ERBB3: variants seen among roughly 807,000 people sequenced by gnomAD.
ERBB3 encodes erb-b2 receptor tyrosine kinase 3.
ERBB3 carries 96 observed loss-of-function variants against 156.7 expected under a neutral mutation model. The observed-to-expected ratio is 0.61, with a 90% CI of 0.52 to 0.73. The LOEUF is 0.73. Among genes scored for constraint, ERBB3 ranks in the 30% least tolerant of loss-of-function variants. The pLI is 0.00. For missense variants in ERBB3, 1,406 were observed against 1,709.4 expected (o/e 0.82, Z 3.13); for synonymous variants, 567 against 632.0 (o/e 0.90, Z 1.54).
chr12:56,091,681 T>G (rs1868717499), intron 9 of ERBB3, among the ~76,000 whole-genome samples: 1 of 152,032 alleles, frequency 6.6e-6, no homozygotes, highest in Admixed American at 6.6e-5. Context: ...CAGGGCATCC[T>G]ATTGAGGATG....
intron 9 of ERBB3, 115 bp from the exon 10 acceptor site, chr12:56,092,632 A>G: frequency 1.3e-6 from 1 of 794,382 alleles, no homozygotes; most frequent in Non-Finnish European, 2.3e-6. Flanking sequence ...TTCTCCAAGG[A>G]ATGTTTCCTT....
At position 56,080,207 on chromosome 12, in the gene ERBB3, T is replaced by G. The variant is rs981155563; in HGVS notation, c.-94T>G. On this transcript the variant is annotated 5_prime_UTR_variant, in exon 1 of 28. Transcript: ENST00000267101. ...CTGCCGTCGCCGCAGCAGCCACCAA[T>G]TCGCCAGCGGTTCAGGTGGCTCTTG... The G allele has an allele frequency of 8.0e-6, 8 of 1,004,340 alleles. No homozygotes were observed. The highest frequency in any genetic ancestry group is 6.1e-6 in the Non-Finnish European group (4 of 657,420). 62.2% of individuals were successfully genotyped at this position (1,004,340 alleles called of 1,614,324 possible).
Position 56,088,739 on chromosome 12 carries a change from C to T in ERBB3, c.989-9C>T, listed in dbSNP as rs374926284. On this transcript the variant is annotated splice_polypyrimidine_tract_variant and intron_variant, in intron 8 of 27. Coordinates refer to ENST00000267101, the MANE Select transcript of ERBB3 (RefSeq NM_001982.4). The stretch of plus-strand genomic sequence containing the variant: ...GACCACCCCCACTGAACCTCTCTTA[C>T]ATTTGCAGCCTGTGAGGGAACAGGC... 5.7e-5 allele frequency: 92 copies of T among 1,614,026 alleles called. No homozygotes were observed. The highest frequency in any genetic ancestry group is 7.5e-5 in the Non-Finnish European group (89 of 1,180,028).
Position 56,102,123 on chromosome 12 carries a change from T to G in ERBB3, c.*68T>G. ...AGTGCCTTTAGAGGGTACCGTCTTC[T>G]CCCTATTCCCTCTCTCTCCCAGGTC... is the stretch of plus-strand genomic sequence containing the variant. On this transcript the variant is annotated 3_prime_UTR_variant, in exon 28 of 28. Transcript: ENST00000267101. 5 of 1,370,494 alleles carry G rather than the reference T, an allele frequency of 3.6e-6. No individual in the cohort carries two copies. The highest frequency in any genetic ancestry group is 5.1e-6 in the Non-Finnish European group (5 of 971,644). 84.9% of individuals were successfully genotyped at this position (1,370,494 alleles called of 1,614,324 possible).
rs138906959 is a variant in ERBB3 at position 56,090,402 on chromosome 12, C to A, written c.1109+1534C>A. ...ATCCCAGCACTTTGGGAGGCTGAGG[C>A]AGGTGGATCACTAGGTGTGGATCAC... On this transcript the variant is annotated intron_variant, in intron 9 of 27. Transcript: ENST00000267101. Among the ~76,000 whole-genome samples the A allele has an allele frequency of 4.6e-3, 707 of 152,148 alleles. 2 individuals are homozygous for A. Among genetic ancestry groups the A allele is most frequent in the African/African-American group, 0.015 (610 of 41,522 alleles).
chr12:56,088,712 C>G (rs2136797953), intron 8 of ERBB3, 36 bp from the exon 9 acceptor site: 1 of 1,614,142 alleles, frequency 6.2e-7, no homozygotes, highest in South Asian at 1.1e-5. Context: ...TGAGCCTGCG[C>G]AGACCACCCC....
Position 56,085,115 on chromosome 12 carries a change from G to A in ERBB3, c.355G>A (p.Val119Ile), listed in dbSNP as rs759113437. 40 of 1,613,960 alleles carry A rather than the reference G, an allele frequency of 2.5e-5. No homozygotes were observed. The highest frequency in any genetic ancestry group is 6.7e-5 in the African/African-American group (5 of 74,884). Reference protein sequence around the residue: ...QVYDGKFAIFVMLNYNTNSSH... With the variant: ...QVYDGKFAIFIMLNYNTNSSH... ...CTACGATGGGAAGTTTGCCATCTTCGTCATGTTGAACTATAACACCAACTC... is the reference window on the plus strand; with the variant it reads ...CTACGATGGGAAGTTTGCCATCTTCATCATGTTGAACTATAACACCAACTC... The change falls in exon 3 of 28, where the codon GTC becomes ATC. Residue 119 changes from valine (V) to isoleucine (I), a missense_variant. Physicochemically the swap from Val to Ile is conservative, Grantham distance 29 (BLOSUM62 3). Coordinates refer to ENST00000267101, the MANE Select transcript of ERBB3 (RefSeq NM_001982.4).
rs749408634 is a variant in ERBB3 at position 56,083,785 on chromosome 12, C to G, written c.117C>G (p.Thr39=). Residue 39 remains threonine (T), a synonymous_variant, in exon 2 of 28, where the codon ACC becomes ACG. Coordinates refer to ENST00000267101, the MANE Select transcript of ERBB3 (RefSeq NM_001982.4). Reference sequence around the variant, plus strand: ...GGACTCTGAATGGCCTGAGTGTGACCGGCGATGCTGAGAACCAATACCAGA... The same window carrying G: ...GGACTCTGAATGGCCTGAGTGTGACGGGCGATGCTGAGAACCAATACCAGA... The part of the protein sequence containing the change: ...CPGTLNGLSV[T]GDAENQYQTL... 2.5e-6 allele frequency: 4 copies of G among 1,614,004 alleles called. No homozygotes were observed. The highest frequency in any genetic ancestry group is 3.4e-6 in the Non-Finnish European group (4 of 1,179,978).
rs146860437 is a variant in ERBB3 at position 56,087,627 on chromosome 12, G to A, written c.598G>A (p.Glu200Lys). 1 of 1,614,188 alleles carries A rather than the reference G, an allele frequency of 6.2e-7. No homozygotes were observed. Among genetic ancestry groups the A allele is most frequent in the Non-Finnish European group, 8.5e-7 (1 of 1,180,014 alleles). ...GGGGCGATGCTGGGGTCCTGGATCA[G>A]AAGACTGCCAGACATGTGGGTTTGA... is the stretch of plus-strand genomic sequence containing the variant. ...CKGRCWGPGS[E>K]DCQTLTKTIC... Residue 200 changes from glutamate to lysine, a missense_variant, in exon 5 of 28, where the codon GAA (glutamate) becomes AAA (lysine). Physicochemically the swap from Glu to Lys is moderately conservative, Grantham distance 56. Coordinates refer to ENST00000267101, the MANE Select transcript of ERBB3 (RefSeq NM_001982.4).
chr12:56,088,698 C>T (rs1346181587), intron 8 of ERBB3, 42 bp downstream of exon 8: 1 of 1,614,142 alleles, frequency 6.2e-7, no homozygotes, highest in Non-Finnish European at 8.5e-7. Flanking sequence ...GACAGCCTTT[C>T]CTCTGAGCCT....
chr12:56,089,676 C>T (rs1592227362), intron 9 of ERBB3, among the ~76,000 whole-genome samples: 1 of 150,992 alleles, frequency 6.6e-6, no homozygotes, highest in African/African-American at 2.4e-5. Context: ...ACCCAGGAGG[C>T]GGAAATTGCA....
At chr12:56,091,299 T>TATAAATATGTTACA (rs1485222654) in intron 9 of ERBB3, among the ~76,000 whole-genome samples, 1 of 1,380 alleles carries the variant, frequency 7.2e-4, no homozygotes, top group Non-Finnish European at 1.3e-3. Context: ...TATATATAAA[T>TATAAATATGTTACA]AATATATATA....
intron 9 of ERBB3, among the ~76,000 whole-genome samples, chr12:56,091,886 C>A (rs972701096): frequency 8.6e-5 from 13 of 152,040 alleles, no homozygotes; most frequent in African/African-American, 3.1e-4. Context: ...ATTATTCCTT[C>A]TGCATTTGTT....
At chr12:56,096,424 C>T (rs2136816885) in intron 17 of ERBB3, 79 bp from the exon 18 acceptor site, 1 of 1,579,966 alleles carries the variant, frequency 6.3e-7, no homozygotes, top group Non-Finnish European at 8.7e-7. Flanking sequence ...CTGCTTTTGG[C>T]ATTCACCTAT....
At chr12:56,084,834 G>A (rs1868420229) in intron 2 of ERBB3, among the ~76,000 whole-genome samples, 161 bp from the exon 3 acceptor site, 3 of 151,940 alleles carry the variant, frequency 2.0e-5, no homozygotes, top group Admixed American at 6.6e-5. Flanking sequence ...GGCAACAAGA[G>A]CGTAACTCCG....
chr12:56,099,199 G>T (rs1220048700), intron 23 of ERBB3, among the ~76,000 whole-genome samples: 1 of 148,002 alleles, frequency 6.8e-6, no homozygotes, highest in African/African-American at 2.5e-5. Context: ...CAGGTGATCC[G>T]CCTGCCTCAG....
intron 9 of ERBB3, among the ~76,000 whole-genome samples, chr12:56,090,022 ACT>A (rs1182449178): frequency 1.4e-5 from 2 of 147,978 alleles, no homozygotes; most frequent in Admixed American, 6.8e-5. Context: ...ACAAAGTCTC[ACT>A]CTGTTCCCCA....
rs767929395 is a variant in ERBB3 at position 56,098,580 on chromosome 12, G to A, written c.2692+5G>A. 5 of 1,612,660 alleles carry A rather than the reference G, an allele frequency of 3.1e-6. No homozygotes were observed. The highest frequency in any genetic ancestry group is 3.4e-6 in the Non-Finnish European group (4 of 1,178,622). ...AGAGTGATGTCTGGAGCTATGGTCA[G>A]TGCATCTGGATGCCCTCTCTACCAT... On this transcript the variant is annotated splice_donor_5th_base_variant and intron_variant, in intron 22 of 27. Transcript: ENST00000267101.
intron 3 of ERBB3, chr12:56,085,423 T>C: frequency 7.0e-7 from 1 of 1,423,516 alleles, no homozygotes; most frequent in Admixed American, 2.9e-5. Flanking sequence ...GAGCTGGATC[T>C]GTTAACCGTT....
Sources: allele counts gnomAD v4.1 joint callset (sites outside exome capture counted in the v4.1 genomes callset), GRCh38; gene constraint gnomAD v4.1.1; transcripts MANE v1.5; gene names NCBI Gene and HGNC (gene_info 2026-07-23, HGNC 2026-07-21).